Variants in MED12L observed in about 807,000 individuals in gnomAD.
The protein encoded by MED12L is mediator of RNA polymerase II transcription subunit 12-like protein.
Under a neutral mutation model 281.3 loss-of-function variants are expected in MED12L, and 60 were observed. That is an observed-to-expected ratio of 0.21 (90% CI 0.17 to 0.26). The LOEUF (loss-of-function observed/expected upper bound fraction) is 0.26, where lower values mean the gene tolerates loss of function less well. Among genes scored for constraint, MED12L ranks in the 10% least tolerant of loss-of-function variants. The pLI, the probability that MED12L is intolerant of heterozygous loss-of-function variation, is 1.00. For synonymous variants in MED12L, 974 were observed against 987.2 expected (o/e 0.99, Z 0.25); for missense variants, 2,146 against 2,680.9 (o/e 0.80, Z 4.41).
chr3:151,175,790 T>C lies in MED12L; in HGVS notation c.1495-9540T>C, dbSNP rs1248864724. Among the ~76,000 whole-genome samples, 4 of 152,236 alleles carry C rather than the reference T, an allele frequency of 2.6e-5. No homozygotes were observed. The South Asian group carries it at 6.2e-4, about 24-fold the overall frequency. On this transcript the variant is annotated intron_variant, in intron 11 of 44. Transcript: ENST00000687756. Reference sequence around the variant, plus strand: ...GAAGAATGTGGCAAATCCCCCGATGTTGAAAACCTTTCTTCACATTTGAGA... The same window carrying C: ...GAAGAATGTGGCAAATCCCCCGATGCTGAAAACCTTTCTTCACATTTGAGA...
At position 151,386,656 on chromosome 3, in the gene MED12L, A is replaced by G. The variant is rs181655701; in HGVS notation, c.5089-1154A>G. Among the ~76,000 whole-genome samples, 29 of 148,564 alleles carry G rather than the reference A, an allele frequency of 2.0e-4. No homozygotes were observed. The East Asian group carries it at 5.2e-3, about 26-fold the overall frequency. ...CAGTGGCGTGATCTCGGCTCACTGC[A>G]ACCTCCACCTCCCGGGTTCAAGCAA... On this transcript the variant is annotated intron_variant, in intron 36 of 44. Coordinates refer to ENST00000687756, the MANE Select transcript of MED12L (RefSeq NM_001393769.1).
chr3:151,129,044 A>G (rs1219588808), intron 5 of MED12L, among the ~76,000 whole-genome samples: 1 of 152,248 alleles, frequency 6.6e-6, no homozygotes. Context: ...AAAGAGTTAT[A>G]TATAAATATG....
intron 19 of MED12L, among the ~76,000 whole-genome samples, chr3:151,356,266 C>G (rs1445355552): frequency 6.6e-6 from 1 of 151,976 alleles, no homozygotes; most frequent in Admixed American, 6.6e-5. Flanking sequence ...TGGTTGCATG[C>G]CTGTAGTCCC....
chr3:151,178,157 CAAAAA>C (rs10572929), intron 11 of MED12L, among the ~76,000 whole-genome samples: 11 of 49,170 alleles, frequency 2.2e-4, no homozygotes, highest in East Asian at 6.5e-4. Context: ...GACTTGGTCT[CAAAAA>C]AAAAAAAAAA....
chr3:151,319,699 G>A lies in MED12L; in HGVS notation c.2251-30360G>A, dbSNP rs183769820. Among the ~76,000 whole-genome samples, 42 of 151,942 alleles carry A rather than the reference G, an allele frequency of 2.8e-4. No individual in the cohort carries two copies. In the East Asian group the frequency reaches 7.0e-3, roughly 25 times the overall value. ...TCCCCACTCCAACATATTTACTGAC[G>A]ACAGTAAAATGTCAGATTATGAGCA... On this transcript the variant is annotated intron_variant, in intron 16 of 44. Coordinates refer to ENST00000687756, the MANE Select transcript of MED12L (RefSeq NM_001393769.1).
chr3:151,317,394 T>TA (rs1417532324), intron 16 of MED12L, among the ~76,000 whole-genome samples: 1 of 143,352 alleles, frequency 7.0e-6, no homozygotes, highest in Non-Finnish European at 1.5e-5. Context: ...TTTATTGCTT[T>TA]AAAAAAGCAT....
intron 16 of MED12L, among the ~76,000 whole-genome samples, chr3:151,317,321 A>G (rs186047250): frequency 2.3e-4 from 35 of 152,006 alleles, no homozygotes; most frequent in African/African-American, 7.7e-4. Flanking sequence ...AATATGTTAA[A>G]TTATTCAGGG....
chr3:151,315,568 A>C (rs1335732330), intron 16 of MED12L, among the ~76,000 whole-genome samples: 2 of 152,220 alleles, frequency 1.3e-5, no homozygotes, highest in Non-Finnish European at 2.9e-5. Context: ...AGTAGAGGTC[A>C]GAAACAAGAG....
At chr3:151,197,092 G>A (rs1724764982) in intron 16 of MED12L, among the ~76,000 whole-genome samples, 1 of 152,134 alleles carries the variant, frequency 6.6e-6, no homozygotes, top group African/African-American at 2.4e-5. Flanking sequence ...TGCATCACCA[G>A]CAGTGGAGAG....
chr3:151,390,209 C>T, intron 38 of MED12L, 74 bp downstream of exon 38: 1 of 1,469,416 alleles, frequency 6.8e-7, no homozygotes, highest in South Asian at 1.2e-5. Context: ...TAACCTGAAA[C>T]CTCCACAAAA....
chr3:151,265,521 C>T (rs902362222), intron 16 of MED12L, among the ~76,000 whole-genome samples: 3 of 152,196 alleles, frequency 2.0e-5, no homozygotes, highest in Non-Finnish European at 4.4e-5. Context: ...TCACTGCCAT[C>T]ATCCTCCCTA....
chr3:151,330,842 G>A (rs879469629), intron 16 of MED12L, among the ~76,000 whole-genome samples: 34 of 152,076 alleles, frequency 2.2e-4, no homozygotes, highest in South Asian at 8.3e-4. Flanking sequence ...GAACATACAT[G>A]TATGTCTTAA....
chr3:151,272,363 C>G (rs1482410028), intron 16 of MED12L, among the ~76,000 whole-genome samples: 1 of 152,294 alleles, frequency 6.6e-6, no homozygotes, highest in South Asian at 2.1e-4. Context: ...TTTTTCTACT[C>G]AGTATATCAT....
intron 16 of MED12L, among the ~76,000 whole-genome samples, chr3:151,282,100 C>T (rs1742893031): frequency 6.6e-6 from 1 of 152,206 alleles, no homozygotes; most frequent in African/African-American, 2.4e-5. Context: ...TACTGCCCTT[C>T]CCCTGCCTTT....
chr3:151,422,896 T>C (rs1718427567), intron 43 of MED12L, among the ~76,000 whole-genome samples: 1 of 148,542 alleles, frequency 6.7e-6, no homozygotes, highest in Non-Finnish European at 1.5e-5. Context: ...TTATTTAGAA[T>C]TAATGAAAAT....
At chr3:151,230,570 C>CT (rs368433695) in intron 16 of MED12L, among the ~76,000 whole-genome samples, 4,551 of 139,412 alleles carry the variant, frequency 0.033, 84 homozygotes, top group Non-Finnish European at 0.04. Context: ...TTACTCCACG[C>CT]TTTTTTTTTT....
chr3:151,400,431 C>T (rs2108291346), intron 39 of MED12L, among the ~76,000 whole-genome samples: 1 of 152,224 alleles, frequency 6.6e-6, no homozygotes, highest in East Asian at 1.9e-4. Context: ...AAGGATTTTT[C>T]AGGACAGAAA....
intron 44 of MED12L, among the ~76,000 whole-genome samples, chr3:151,430,977 G>C (rs1034023154): frequency 3.3e-5 from 5 of 152,004 alleles, no homozygotes. Context: ...TGCCTTTCTA[G>C]AGAATTTACC....
chr3:151,431,167 C>T (rs934055174), intron 44 of MED12L, among the ~76,000 whole-genome samples: 1 of 152,192 alleles, frequency 6.6e-6, no homozygotes, highest in Non-Finnish European at 1.5e-5. Flanking sequence ...AGCTTGGCTG[C>T]CATTATCTGG....
Sources: gnomAD v4.1 joint callset for allele counts (sites outside exome capture counted in the v4.1 genomes callset) on GRCh38, gnomAD v4.1.1 for gene constraint, MANE v1.5 for transcripts, NCBI Gene and HGNC (gene_info 2026-07-23, HGNC 2026-07-21) for gene names.